Variants in NUP98 observed in about 807,000 individuals in gnomAD.
NUP98 encodes the protein nucleoporin 98 and 96 precursor.
In NUP98, 26 loss-of-function variants were observed where a neutral mutation model predicts 191.9. The observed-to-expected ratio is 0.14, with a 90% CI of 0.10 to 0.19. The LOEUF (loss-of-function observed/expected upper bound fraction) is 0.19. NUP98 is among the 10% of genes least tolerant of loss of function. NUP98 has a pLI of 1.00. For synonymous variants in NUP98, 808 were observed against 778.4 expected (o/e 1.04, Z -0.63); for missense variants, 1,941 against 2,178.8 (o/e 0.89, Z 2.17).
chr11:3,723,711 T>C (rs2079496930), intron 15 of NUP98, among the ~76,000 whole-genome samples: 1 of 151,358 alleles, frequency 6.6e-6, no homozygotes, highest in African/African-American at 2.4e-5. Context: ...ATTTTTAAGA[T>C]TACAATCAAC....
chr11:3,678,538 G>A (rs985424294), intron 31 of NUP98, among the ~76,000 whole-genome samples: 3 of 152,140 alleles, frequency 2.0e-5, no homozygotes, highest in African/African-American at 7.2e-5. Context: ...AATTATCTCT[G>A]GGGAAAAGCA....
rs747352138 is a variant in NUP98, at chr11:3,699,062, G to C, written c.4009+20C>G. ...AGGAAGGCGACAGAGGCGCAGAGAA[G>C]GACCATATGCCTTCCCCACCTGACT... On this transcript the variant is annotated intron_variant, in intron 25 of 32. Coordinates refer to ENST00000324932, the MANE Select transcript of NUP98 (RefSeq NM_016320.5). 1.2e-6 allele frequency: 2 copies of C among 1,610,158 alleles called. No individual in the cohort carries two copies. The highest frequency in any genetic ancestry group is 4.5e-5 in the East Asian group (2 of 44,838).
intron 25 of NUP98, among the ~76,000 whole-genome samples, chr11:3,695,933 T>G (rs1033763186): frequency 6.6e-6 from 1 of 152,218 alleles, no homozygotes; most frequent in Admixed American, 6.5e-5. Flanking sequence ...GGCTAATGCC[T>G]GTAATCCCAG....
chr11:3,789,781 TTTTA>T (rs1429270162), intron 1 of NUP98, among the ~76,000 whole-genome samples: 1 of 151,908 alleles, frequency 6.6e-6, no homozygotes, highest in Non-Finnish European at 1.5e-5. Flanking sequence ...TTTACTTATT[TTTTA>T]TTTATTTATT....
intron 28 of NUP98, among the ~76,000 whole-genome samples, chr11:3,686,934 G>A (rs2078150483): frequency 6.6e-6 from 1 of 152,056 alleles, no homozygotes; most frequent in South Asian, 2.1e-4. Context: ...TTGTGGTGAG[G>A]TGAGATCATA....
chr11:3,781,842 G>T (rs3758659), intron 2 of NUP98, among the ~76,000 whole-genome samples, 200 bp downstream of exon 2: 26,192 of 151,974 alleles, frequency 0.17, 2,341 homozygotes, highest in Non-Finnish European at 0.2. Context: ...ACAATCAGAA[G>T]AAGGCCATGA....
Position 3,676,527 on chromosome 11 carries a change from C to G in NUP98, c.5167G>C (p.Asp1723His). 1 of 1,614,086 alleles carries G rather than the reference C, an allele frequency of 6.2e-7. No individual in the cohort carries two copies. The highest frequency in any genetic ancestry group is 8.5e-7 in the Non-Finnish European group (1 of 1,179,934). ...GGCTTACCTGACTGAGCCAGGCGAT[C>G]TTTAGCACTGTAACACTGAATCTGC... ...IEQIQCYSAKDRLAQSDMAKR... is the reference protein window; with the variant it reads ...IEQIQCYSAKHRLAQSDMAKR... Residue 1723 changes from aspartate to histidine, a missense_variant, in exon 32 of 33, where the codon GAT becomes CAT. Transcript: ENST00000324932.
intron 28 of NUP98, among the ~76,000 whole-genome samples, chr11:3,690,560 G>A (rs1255766829): frequency 1.3e-5 from 2 of 151,940 alleles, no homozygotes; most frequent in Non-Finnish European, 2.9e-5. Flanking sequence ...GCACCCGGCC[G>A]CCTGCATTTT....
chr11:3,775,181 T>C (rs1031515395), intron 5 of NUP98, among the ~76,000 whole-genome samples: 34 of 152,126 alleles, frequency 2.2e-4, no homozygotes. Context: ...TTTCAGTGGG[T>C]ACAGAATGCT....
chr11:3,686,533 T>C (rs2078138286), intron 28 of NUP98, among the ~76,000 whole-genome samples: 1 of 152,250 alleles, frequency 6.6e-6, no homozygotes, highest in Non-Finnish European at 1.5e-5. Flanking sequence ...TTTTTCTTTT[T>C]TTTGAGACAG....
chr11:3,769,814 G>A (rs1472713492), intron 7 of NUP98, among the ~76,000 whole-genome samples: 1 of 151,982 alleles, frequency 6.6e-6, no homozygotes, highest in Admixed American at 6.6e-5. Context: ...AGAGGCCGAG[G>A]CGGGTGGATC....
At chr11:3,775,634 G>C (rs2081692403) in intron 5 of NUP98, among the ~76,000 whole-genome samples, 1 of 151,832 alleles carries the variant, frequency 6.6e-6, no homozygotes, top group Non-Finnish European at 1.5e-5. Context: ...CCTTACACCA[G>C]ATTATAATAA....
intron 11 of NUP98, among the ~76,000 whole-genome samples, chr11:3,744,961 G>A (rs1467869182): frequency 1.3e-5 from 2 of 152,116 alleles, no homozygotes; most frequent in African/African-American, 2.4e-5. Flanking sequence ...AAGACATCGG[G>A]AACATACTAC....
intron 1 of NUP98, among the ~76,000 whole-genome samples, chr11:3,790,860 G>A (rs4910798): frequency 0.089 from 13,462 of 151,686 alleles, 745 homozygotes; most frequent in African/African-American, 0.15. Flanking sequence ...ACTTTTGAAA[G>A]CTAAATGTAG....
intron 11 of NUP98, among the ~76,000 whole-genome samples, chr11:3,745,240 G>A (rs569260467): frequency 2.0e-5 from 3 of 152,220 alleles, no homozygotes; most frequent in South Asian, 4.1e-4. Context: ...CTTTCTTACA[G>A]ACAACTATAG....
chr11:3,792,989 T>C (rs2082406040), intron 1 of NUP98, among the ~76,000 whole-genome samples: 1 of 152,138 alleles, frequency 6.6e-6, no homozygotes. Context: ...TGTGCACCTG[T>C]AGTCCCAGCA....
At chr11:3,744,802 C>G (rs1261836770) in intron 11 of NUP98, among the ~76,000 whole-genome samples, 153 bp from the exon 12 acceptor site, 1 of 152,198 alleles carries the variant, frequency 6.6e-6, no homozygotes, top group Non-Finnish European at 1.5e-5. Context: ...TACTGCAGGT[C>G]AAGTACTGCG....
intron 23 of NUP98, among the ~76,000 whole-genome samples, chr11:3,702,120 C>T (rs2078699879): frequency 6.6e-6 from 1 of 151,868 alleles, no homozygotes; most frequent in Non-Finnish European, 1.5e-5. Context: ...TGCATGTAAT[C>T]CCAGCTTATC....
chr11:3,779,614 C>A (rs1321795545), intron 2 of NUP98, among the ~76,000 whole-genome samples: 1 of 148,604 alleles, frequency 6.7e-6, no homozygotes, highest in Middle Eastern at 3.2e-3. Context: ...GCACTCCAGC[C>A]GGGGCAACAA....
Sources: allele counts gnomAD v4.1 joint callset (sites outside exome capture counted in the v4.1 genomes callset), GRCh38; gene constraint gnomAD v4.1.1; transcripts MANE v1.5; gene names NCBI Gene and HGNC (gene_info 2026-07-23, HGNC 2026-07-21).